Variants in SH2D6 observed in about 807,000 individuals in gnomAD.
SH2D6 encodes the protein SH2 domain containing 6.
In SH2D6, 31 loss-of-function variants were observed where a neutral mutation model predicts 30.2. The observed-to-expected ratio is 1.03, with a 90% CI of 0.77 to 1.38. The LOEUF (loss-of-function observed/expected upper bound fraction) is 1.38, where lower values mean the gene tolerates loss of function less well. Among genes scored for constraint, SH2D6 ranks in the 40% most tolerant of loss-of-function variants. The probability of loss-of-function intolerance (pLI) is 0.00; values close to 1 mark genes in which losing one functional copy is unlikely to be tolerated. For missense variants in SH2D6, 240 were observed against 266.8 expected (o/e 0.90, Z 0.70); for synonymous variants, 93 against 104.6 (o/e 0.89, Z 0.68).
At chr2:85,433,922 C>A in intron 16 of SH2D6, 111 bp from the exon 17 acceptor site, 1 of 988,138 alleles carries the variant, frequency 1.0e-6, no homozygotes. Context: ...CCCAGAAAGT[C>A]CAGGCTGCAG....
rs574589104 is a variant in SH2D6, at chr2:85,435,501, G to A, written c.732+5G>A. On this transcript the variant is annotated splice_donor_5th_base_variant and intron_variant, in intron 21 of 23. Transcript: ENST00000469800. The stretch of plus-strand genomic sequence containing the variant: ...GCCCTGCTCCACTTACAAAAGGTGG[G>A]CAGCCACGGACCCCGGGTCTTCTCC... The A allele has an allele frequency of 1.2e-6, 2 of 1,613,046 alleles. No homozygotes were observed. Among genetic ancestry groups the A allele is most frequent in the African/African-American group, 2.7e-5 (2 of 75,044 alleles).
Position 85,436,458 on chromosome 2 carries a change from C to G in SH2D6, c.892-8C>G, listed in dbSNP as rs772258099. Reference sequence around the variant, plus strand: ...TGGGACTCACGGATGCCCTGCCTCCCTGGCCAGCTCTTCTCCTCCGTGGCG... The same window carrying G: ...TGGGACTCACGGATGCCCTGCCTCCGTGGCCAGCTCTTCTCCTCCGTGGCG... On this transcript the variant is annotated splice_polypyrimidine_tract_variant and splice_region_variant and intron_variant, in intron 22 of 23. Coordinates refer to ENST00000469800, the MANE Select transcript of SH2D6 (RefSeq NM_001394463.1). 3.1e-6 allele frequency: 5 copies of G among 1,611,716 alleles called. No individual in the cohort carries two copies. The South Asian group carries it at 3.3e-5, about 11-fold the overall frequency.
At chr2:85,435,357 C>G in intron 20 of SH2D6, 56 bp from the exon 21 acceptor site, 1 of 1,578,642 alleles carries the variant, frequency 6.3e-7, no homozygotes, top group Non-Finnish European at 8.7e-7. Flanking sequence ...GTCCTCGGCT[C>G]CGCATGCCTG....
intron 16 of SH2D6, 59 bp from the exon 17 acceptor site, chr2:85,433,974 T>C: frequency 1.4e-6 from 2 of 1,427,406 alleles, no homozygotes; most frequent in Middle Eastern, 1.9e-4. Flanking sequence ...CCTGCCCTGG[T>C]CAGCATGGAT....
intron 20 of SH2D6, 38 bp downstream of exon 20, chr2:85,435,161 C>G (rs1689286815): frequency 1.3e-6 from 2 of 1,592,288 alleles, no homozygotes; most frequent in African/African-American, 2.7e-5. Flanking sequence ...GGGAGAGGTT[C>G]CGGGAGCAGA....
At position 85,429,358 on chromosome 2, in the gene SH2D6, T is replaced by G. The variant is rs760062153; in HGVS notation, c.-94-14T>G. 1 of 152,250 alleles carries G rather than the reference T, an allele frequency of 6.6e-6. No homozygotes were observed. Among genetic ancestry groups the G allele is most frequent in the Non-Finnish European group, 1.5e-5 (1 of 68,064 alleles). 9.4% of individuals were successfully genotyped at this position (152,250 alleles called of 1,614,324 possible). On this transcript the variant is annotated splice_polypyrimidine_tract_variant and intron_variant, in intron 7 of 23. Transcript: ENST00000469800. ...GGTTGGAGGCCACAGCAGATCTACC[T>G]TCCTGGTGTTTAGGAGATGCAAATG...
intron 6 of SH2D6, among the ~76,000 whole-genome samples, chr2:85,425,718 C>T (rs1321019400): frequency 1.3e-5 from 2 of 152,212 alleles, no homozygotes; most frequent in Non-Finnish European, 2.9e-5. Context: ...ACAGCCAAGC[C>T]AGCCTGGCAG....
chr2:85,435,295 AG>A, intron 20 of SH2D6, 117 bp from the exon 21 acceptor site: 1 of 1,299,964 alleles, frequency 7.7e-7, no homozygotes, highest in Non-Finnish European at 1.1e-6. Context: ...GTTCTGCCTG[AG>A]GGGGACTCAG....
intron 16 of SH2D6, 112 bp downstream of exon 16, chr2:85,433,743 C>A (rs954532165): frequency 9.8e-6 from 8 of 817,772 alleles, no homozygotes; most frequent in Middle Eastern, 4.4e-4. Context: ...CACCACCCCC[C>A]ACCAACACGC....
chr2:85,434,774 A>G, intron 19 of SH2D6: 1 of 1,452,128 alleles, frequency 6.9e-7, no homozygotes, highest in Non-Finnish European at 9.1e-7. Context: ...AGCTGAGATC[A>G]GGCCTGAGGG....
Position 85,435,451 on chromosome 2 carries a change from C to G in SH2D6, c.687C>G (p.Asn229Lys), listed in dbSNP as rs1200246246. The G allele has an allele frequency of 6.2e-7, 1 of 1,613,938 alleles. No individual in the cohort carries two copies. Among genetic ancestry groups the G allele is most frequent in the South Asian group, 1.1e-5 (1 of 91,084 alleles). ...TGACTCAGCCTTGGTACTCGGGGAA[C>G]TGTGACCGCTATGCTGTTGAGAGTG... ...DLLTQPWYSG[N>K]CDRYAVESAL... Residue 229 changes from asparagine to lysine, a missense_variant, in exon 21 of 24, where the codon AAC becomes AAG. Coordinates refer to ENST00000469800, the MANE Select transcript of SH2D6 (RefSeq NM_001394463.1).
rs1689476190 is a variant in SH2D6 at position 85,436,492 on chromosome 2, C to G, written c.918C>G (p.Val306=). 6.2e-7 allele frequency: 1 copy of G among 1,613,684 alleles called. No individual in the cohort carries two copies. The change falls in exon 23 of 24, where the codon GTC becomes GTG. Residue 306 remains valine, a synonymous_variant. Transcript: ENST00000469800. ...EELFSSVAAM[V]QHFMWHPLPL... ...TCTTCTCCTCCGTGGCGGCCATGGT[C>G]CAGCACTTCATGTGGCACCCTCTGC...
rs1293912427 is a variant in SH2D6 at position 85,430,946 on chromosome 2, A to ACTTCTTCAG, written c.251-263_251-255dup. ...GGCATTCCCCTTCTGAGATCCCAAC[A>ACTTCTTCAG]CTTCTTCAGGCCAAGGGCGGGGGTG... On this transcript the variant is annotated intron_variant, in intron 12 of 23. Coordinates refer to ENST00000469800, the MANE Select transcript of SH2D6 (RefSeq NM_001394463.1). This position sits in a 1 kb window ranked among gnomAD's most constrained non-coding sequence, Gnocchi z 4.3. Among the ~76,000 whole-genome samples, 8 of 152,036 alleles carry ACTTCTTCAG rather than the reference A, an allele frequency of 5.3e-5. No individual in the cohort carries two copies. Among genetic ancestry groups the ACTTCTTCAG allele is most frequent in the African/African-American group, 1.9e-4 (8 of 41,378 alleles).
chr2:85,434,653 T>C, intron 19 of SH2D6, 156 bp downstream of exon 19: 1 of 1,243,388 alleles, frequency 8.0e-7, no homozygotes. Context: ...AATGCAGGCA[T>C]CTTCAGCATG....
chr2:85,435,011 G>GCCCACCCCCACCCCACCCCAC, intron 19 of SH2D6, 54 bp from the exon 20 acceptor site: 1 of 932,146 alleles, frequency 1.1e-6, no homozygotes, highest in Non-Finnish European at 1.4e-6. Context: ...AGCCACCTTT[G>GCCCACCCCCACCCCACCCCAC]CCCACCCCCA....
rs901168397 is a variant in SH2D6, at chr2:85,433,570, G to T, written c.394-1G>T. 3.0e-6 allele frequency: 3 copies of T among 997,056 alleles called. No homozygotes were observed. Among genetic ancestry groups the T allele is most frequent in the Admixed American group, 5.8e-5 (1 of 17,386 alleles). The allele number at this position is 997,056 out of a possible 1,614,324, so 61.8% of individuals were successfully genotyped here. A position where few individuals can be genotyped will look rare whatever the true frequency, so the allele number is the denominator to read the frequency against. On this transcript the variant is annotated splice_acceptor_variant, in intron 15 of 23. Transcript: ENST00000469800. LOFTEE classifies it high-confidence loss of function. ...GTCTCACACACCCCTCCCTACCTTA[G>T]GTGCCAGGCCCTCCAAAGAAACCTG...
At chr2:85,433,385 C>G (rs1164592222) in intron 15 of SH2D6, among the ~76,000 whole-genome samples, 186 bp from the exon 16 acceptor site, 2 of 152,172 alleles carry the variant, frequency 1.3e-5, no homozygotes, top group Non-Finnish European at 2.9e-5. Context: ...GTGGGATGCC[C>G]CCTCTGAGAC....
At chr2:85,436,780 C>T (rs1689510962) in intron 23 of SH2D6, 57 bp from the exon 24 acceptor site, 2 of 559,350 alleles carry the variant, frequency 3.6e-6, no homozygotes, top group Non-Finnish European at 6.4e-6. Context: ...CACCTAGAGC[C>T]TTCCACTGCC....
At chr2:85,428,963 C>CCAT (rs1688300209) in intron 7 of SH2D6, among the ~76,000 whole-genome samples, 1 of 152,320 alleles carries the variant, frequency 6.6e-6, no homozygotes, top group South Asian at 2.1e-4. Flanking sequence ...ATAAATACAT[C>CCAT]CATCAAAAAA....
Sources: gnomAD v4.1 joint callset for allele counts (sites outside exome capture counted in the v4.1 genomes callset) on GRCh38, gnomAD v4.1.1 for gene constraint, Gnocchi (gnomAD v3.1) non-coding constraint, MANE v1.5 for transcripts, NCBI Gene and HGNC (gene_info 2026-07-23, HGNC 2026-07-21) for gene names.